The following STK17A variants were observed in gnomAD, a reference collection of about 807,000 sequenced individuals.
The protein encoded by STK17A is serine/threonine-protein kinase 17A.
In STK17A, 26 loss-of-function variants were observed where a neutral mutation model predicts 43.7. The observed-to-expected ratio is 0.60, with a 90% CI of 0.44 to 0.83. The LOEUF (loss-of-function observed/expected upper bound fraction) is 0.83, where lower values mean the gene tolerates loss of function less well. STK17A is among the 40% of genes least tolerant of loss of function. The pLI, the probability that STK17A is intolerant of heterozygous loss-of-function variation, is 0.00. For synonymous variants in STK17A, 191 were observed against 182.5 expected, an observed-to-expected ratio of 1.05 and a Z score of -0.38; for missense variants, 476 against 511.6, an observed-to-expected ratio of 0.93 and a Z score of 0.67.
intron 2 of STK17A, among the ~76,000 whole-genome samples, chr7:43,606,471 C>T (rs1282008805): frequency 6.6e-6 from 1 of 152,142 alleles, no homozygotes; most frequent in East Asian, 1.9e-4. Flanking sequence ...CCAATGACCA[C>T]TAGAAAGTTG....
At chr7:43,619,473 A>C in intron 3 of STK17A, 124 bp from the exon 4 acceptor site, 2 of 1,232,530 alleles carry the variant, frequency 1.6e-6, no homozygotes, top group Admixed American at 2.3e-5. Context: ...TTCTTTAACA[A>C]ATGACTGTTT....
intron 3 of STK17A, among the ~76,000 whole-genome samples, chr7:43,615,136 A>T (rs1412648001): frequency 1.3e-5 from 2 of 152,154 alleles, no homozygotes; most frequent in Non-Finnish European, 2.9e-5. Flanking sequence ...TGCCTGAATA[A>T]TAAGACATTT....
rs182632725 is a variant in STK17A at position 43,617,958 on chromosome 7, T to C, written c.565-1639T>C. Among the ~76,000 whole-genome samples, 4 of 152,248 alleles carry C rather than the reference T, an allele frequency of 2.6e-5. No individual in the cohort carries two copies. The East Asian group carries it at 7.7e-4, about 29-fold the overall frequency. ...TAACATATAAACAAGGAAGGAGTGG[T>C]TAACTTTGTCAAACACTGCTAAGGG... On this transcript the variant is annotated intron_variant, in intron 3 of 6. Coordinates refer to ENST00000319357, the MANE Select transcript of STK17A (RefSeq NM_004760.3).
intron 1 of STK17A, among the ~76,000 whole-genome samples, chr7:43,591,305 T>C (rs913464935): frequency 6.6e-6 from 1 of 151,600 alleles, no homozygotes; most frequent in Non-Finnish European, 1.5e-5. Flanking sequence ...AAGAGTAATA[T>C]TTAATAACAT....
At chr7:43,598,897 G>A (rs2082538641) in intron 2 of STK17A, among the ~76,000 whole-genome samples, 2 of 151,814 alleles carry the variant, frequency 1.3e-5, no homozygotes, top group Admixed American at 6.6e-5. Context: ...TCAGTAGCTG[G>A]GATTACAGGT....
intron 4 of STK17A, chr7:43,623,171 G>A (rs1246111543): frequency 6.2e-6 from 1 of 160,950 alleles, no homozygotes; most frequent in Non-Finnish European, 1.3e-5. Context: ...TAGTTGAAAA[G>A]GCCCAGGTGA....
chr7:43,595,822 G>T, intron 1 of STK17A, 79 bp from the exon 2 acceptor site: 5 of 1,350,694 alleles, frequency 3.7e-6, no homozygotes, highest in Non-Finnish European at 5.1e-6. Flanking sequence ...CTACCAATGG[G>T]TATTTGGAAA....
chr7:43,595,874 A>G, intron 1 of STK17A, 27 bp from the exon 2 acceptor site: 5 of 1,605,448 alleles, frequency 3.1e-6, no homozygotes, highest in Non-Finnish European at 3.4e-6. Flanking sequence ...GTCAACTTTA[A>G]CAGTGAATGT....
At position 43,606,819 on chromosome 7, in the gene STK17A, A is replaced by G. The variant is rs147594008; in HGVS notation, c.420-1437A>G. ...GTAAAATCCACAGTTAAACAGGGTTATATGATTATATGTTGTACCGAGAGA... is the reference window on the plus strand; with the variant it reads ...GTAAAATCCACAGTTAAACAGGGTTGTATGATTATATGTTGTACCGAGAGA... On this transcript the variant is annotated intron_variant, in intron 2 of 6. Transcript: ENST00000319357. Among the ~76,000 whole-genome samples, 33 of 150,770 alleles carry G rather than the reference A, an allele frequency of 2.2e-4. No homozygotes were observed. In the East Asian group the frequency reaches 6.3e-3, roughly 29 times the overall value.
At chr7:43,599,619 C>T (rs1222961070) in intron 2 of STK17A, among the ~76,000 whole-genome samples, 1 of 152,172 alleles carries the variant, frequency 6.6e-6, no homozygotes, top group East Asian at 1.9e-4. Context: ...CTTTATTAGT[C>T]AGGCTTCTCC....
chr7:43,590,635 A>G lies in STK17A; in HGVS notation c.207-5266A>G, dbSNP rs140752882. ...AAAAATATACCTGAAAATTATGGCA[A>G]CTGTTTATTCCAGGAAGAAGTTTGG... is the stretch of plus-strand genomic sequence containing the variant. On this transcript the variant is annotated intron_variant, in intron 1 of 6. Transcript: ENST00000319357. Among the ~76,000 whole-genome samples the G allele has an allele frequency of 1.4e-3, 209 of 151,710 alleles. 9 individuals carry two copies. Among genetic ancestry groups the G allele is most frequent in the Admixed American group, 2.4e-3 (36 of 15,248 alleles).
chr7:43,583,348 G>A lies in STK17A; in HGVS notation c.105G>A (p.Pro35=). 7.0e-7 allele frequency: 1 copy of A among 1,432,306 alleles called. No homozygotes were observed. The highest frequency in any genetic ancestry group is 9.2e-7 in the Non-Finnish European group (1 of 1,091,540). The allele number at this position is 1,432,306 out of a possible 1,614,324, so 88.7% of individuals were successfully genotyped here. A position where few individuals can be genotyped will look rare whatever the true frequency, so the allele number is the denominator to read the frequency against. Residue 35 remains proline (P), a synonymous_variant, in exon 1 of 7, where the codon CCG becomes CCA. Transcript: ENST00000319357. ...RGLSGPCRPP[P]PPQARGLLTE... is the part of the protein sequence containing the mutation. ...TGAGCGGGCCGTGCCGGCCGCCGCC[G>A]CCGCCCCAGGCCCGCGGGCTGCTGA...
At chr7:43,591,361 G>T (rs2082478312) in intron 1 of STK17A, among the ~76,000 whole-genome samples, 1 of 151,516 alleles carries the variant, frequency 6.6e-6, no homozygotes, top group Non-Finnish European at 1.5e-5. Flanking sequence ...TTCATTGGAA[G>T]CCAAACATAC....
At chr7:43,610,544 A>G (rs925318260) in intron 3 of STK17A, among the ~76,000 whole-genome samples, 2 of 150,488 alleles carry the variant, frequency 1.3e-5, no homozygotes, top group South Asian at 4.2e-4. Flanking sequence ...GCGCACGCCT[A>G]TAGTCCCAGC....
intron 4 of STK17A, among the ~76,000 whole-genome samples, chr7:43,620,417 G>A (rs1227629741): frequency 3.3e-5 from 5 of 152,232 alleles, no homozygotes; most frequent in African/African-American, 7.2e-5. Context: ...GCTCACGCCT[G>A]TAATCCCAGC....
At position 43,591,350 on chromosome 7, in the gene STK17A, G is replaced by T. The variant is rs1043029672; in HGVS notation, c.207-4551G>T. Among the ~76,000 whole-genome samples the T allele has an allele frequency of 1.1e-4, 17 of 151,488 alleles. 1 individual carries two copies. Among genetic ancestry groups the T allele is most frequent in the African/African-American group, 3.6e-4 (15 of 41,350 alleles). ...ATGAAATTAAATTTCAGTGTAAAAG[G>T]TTCATTGGAAGCCAAACATACCCAT... On this transcript the variant is annotated intron_variant, in intron 1 of 6. Transcript: ENST00000319357.
chr7:43,593,392 T>G (rs2082492765), intron 1 of STK17A, among the ~76,000 whole-genome samples: 1 of 152,232 alleles, frequency 6.6e-6, no homozygotes, highest in Admixed American at 6.5e-5. Context: ...ATAATTTCTT[T>G]TCCTTTGGGC....
At chr7:43,619,546 T>G (rs533729277) in intron 3 of STK17A, 51 bp from the exon 4 acceptor site, 184 of 1,587,642 alleles carry the variant, frequency 1.2e-4, no homozygotes, top group South Asian at 9.8e-4. Flanking sequence ...GCATGTTTTG[T>G]GTACTTAATC....
At chr7:43,603,349 G>T (rs952458861) in intron 2 of STK17A, among the ~76,000 whole-genome samples, 2 of 152,072 alleles carry the variant, frequency 1.3e-5, no homozygotes, top group East Asian at 3.9e-4. Flanking sequence ...CGCATCAATA[G>T]ATTGTTGTTA....
Sources: allele counts gnomAD v4.1 joint callset (sites outside exome capture counted in the v4.1 genomes callset), GRCh38; gene constraint gnomAD v4.1.1; transcripts MANE v1.5; gene names NCBI Gene and HGNC (gene_info 2026-07-23, HGNC 2026-07-21).